The following TTN variants were observed in gnomAD, a reference collection of about 807,000 sequenced individuals.
TTN encodes the protein connectin.
A neutral mutation model predicts 3,223.0 loss-of-function variants in TTN; 1,525 were observed. The observed-to-expected ratio is 0.47, with a 90% CI of 0.45 to 0.49. The LOEUF (loss-of-function observed/expected upper bound fraction) is 0.49. Ranked by LOEUF, TTN falls within the 20% of genes least tolerant of loss-of-function variation. The pLI, the probability that TTN is intolerant of heterozygous loss-of-function variation, is 0.00. For missense variants in TTN, 40,786 were observed against 43,424.0 expected (o/e 0.94, Z 5.40); for synonymous variants, 14,094 against 15,161.0 (o/e 0.93, Z 5.17).
chr2:178,774,515 G>A, intron 29 of TTN, 42 bp from the exon 30 acceptor site: 3 of 1,590,876 alleles, frequency 1.9e-6, no homozygotes, highest in Non-Finnish European at 2.6e-6. Flanking sequence ...TTTTTGGAGA[G>A]GTATGCATCT....
Position 178,576,573 on chromosome 2 carries a change from G to A in TTN, c.69671C>T (p.Pro23224Leu), listed in dbSNP as rs762758398. Residue 23224 changes from proline (P) to leucine (L), a missense_variant, in exon 325 of 363, where the codon CCA becomes CTA. Coordinates refer to ENST00000589042, the MANE Select transcript of TTN (RefSeq NM_001267550.2). This position sits in a 1 kb window ranked among gnomAD's most constrained non-coding sequence, Gnocchi z 4.3. ...AACAGAATCTGAAGCCTCACTGGGT[G>A]GACCAATTCCTGCTCTGTTTTCTGC... Reference protein sequence around the residue: ...VSAENRAGIGPPSEASDSVLM... With the variant: ...VSAENRAGIGLPSEASDSVLM... 3.1e-6 allele frequency: 5 copies of A among 1,613,478 alleles called. No homozygotes were observed. The highest frequency in any genetic ancestry group is 3.3e-5 in the Admixed American group (2 of 59,992).
chr2:178,652,983 A>C, intron 199 of TTN, 52 bp from the exon 200 acceptor site: 2 of 1,605,772 alleles, frequency 1.2e-6, no homozygotes, highest in Middle Eastern at 1.7e-4. Context: ...CCACTAGAAA[A>C]GTATTTTCAA....
rs1320536987 is a variant in TTN, at chr2:178,607,313, A to C, written c.53289T>G (p.Asp17763Glu). 9 of 1,612,014 alleles carry C rather than the reference A, an allele frequency of 5.6e-6. No individual in the cohort carries two copies. Among genetic ancestry groups the C allele is most frequent in the Non-Finnish European group, 7.6e-6 (9 of 1,179,164 alleles). Reference sequence around the variant, plus strand: ...TTAAGTCAAGAACTGGACCAGGGACATCTGAAAACAAAACAAAGCCAAAAA... The same window carrying C: ...TTAAGTCAAGAACTGGACCAGGGACCTCTGAAAACAAAACAAAGCCAAAAA... ...KFAAARVEVF[D>E]VPGPVLDLKP... The change falls in exon 278 of 363, where the codon GAT (aspartate) becomes GAG (glutamate). Residue 17763 changes from aspartate (D) to glutamate (E), a missense_variant and splice_region_variant. By Grantham distance (45) the Asp-to-Glu change is conservative. Transcript: ENST00000589042.
At position 178,575,116 on chromosome 2, in the gene TTN, T is replaced by C. The variant is rs1709579780; in HGVS notation, c.71016A>G (p.Gln23672=). 1 of 1,612,948 alleles carries C rather than the reference T, an allele frequency of 6.2e-7. No homozygotes were observed. The highest frequency in any genetic ancestry group is 1.7e-5 in the Admixed American group (1 of 59,954). Residue 23672 remains glutamine, a synonymous_variant, in exon 326 of 363, where the codon CAA becomes CAG. Transcript: ENST00000589042. This position sits in a 1 kb window ranked among gnomAD's most constrained non-coding sequence, Gnocchi z 4.0. The part of the protein sequence containing the change: ...KPTVTWKKGD[Q]ILKQTQRVNF... The stretch of plus-strand genomic sequence containing the variant: ...TAACTCTCTGTGTCTGTTTAAGAAT[T>C]TGGTCTCCTTTTTTCCATGTCACTG...
Position 178,547,240 on chromosome 2 carries a change from A to T in TTN, c.94285T>A (p.Trp31429Arg). 6.2e-7 allele frequency: 1 copy of T among 1,613,834 alleles called. No individual in the cohort carries two copies. Among genetic ancestry groups the T allele is most frequent in the Admixed American group, 1.7e-5 (1 of 60,020 alleles). Residue 31429 changes from tryptophan to arginine, a missense_variant, in exon 340 of 363, where the codon TGG (tryptophan) becomes AGG (arginine). By Grantham distance (101) the Trp-to-Arg change is moderately radical. Transcript: ENST00000589042. ...CCACCATCGTGGTAGGGTTCTTCCC[A>T]ACGAATAGACATGGCATTGGCAGAC... ...HVSANAMSIR[W>R]EEPYHDGGSK...
intron 47 of TTN, chr2:178,745,923 C>A: frequency 6.2e-7 from 1 of 1,608,760 alleles, no homozygotes; most frequent in Non-Finnish European, 8.5e-7. Context: ...AAGACCAATT[C>A]TTCCATTAAA....
Position 178,547,571 on chromosome 2 carries a change from C to G in TTN, c.94055G>C (p.Gly31352Ala), listed in dbSNP as rs769645414. Residue 31352 changes from glycine to alanine, a missense_variant, in exon 339 of 363, where the codon GGT becomes GCT. Physicochemically the swap from Gly to Ala is moderately conservative, Grantham distance 60. Coordinates refer to ENST00000589042, the MANE Select transcript of TTN (RefSeq NM_001267550.2). ...ATTGACAAGCTGCCAAGCTGTTGTA[C>G]CCGATTCACGCTTTTCAACTATGTA... The part of the protein sequence containing the change: ...TNYIVEKRES[G>A]TTAWQLVNSS... 2 of 1,613,748 alleles carry G rather than the reference C, an allele frequency of 1.2e-6. No individual in the cohort carries two copies. The highest frequency in any genetic ancestry group is 1.7e-5 in the Admixed American group (1 of 59,994).
intron 312 of TTN, 66 bp from the exon 313 acceptor site, chr2:178,583,293 T>C: frequency 7.4e-7 from 1 of 1,355,652 alleles, no homozygotes; most frequent in Non-Finnish European, 9.8e-7. Flanking sequence ...TTATTAATAA[T>C]AGTGGGAAAT....
chr2:178,654,152 G>C, intron 193 of TTN, 56 bp downstream of exon 193: 1 of 1,591,464 alleles, frequency 6.3e-7, no homozygotes, highest in East Asian at 2.2e-5. Flanking sequence ...ATATTACAGT[G>C]ATTGTGAGGG....
rs756168342 is a variant in TTN, at chr2:178,733,297, T to C, written c.15996A>G (p.Thr5332=). Residue 5332 remains threonine, a synonymous_variant, in exon 54 of 363, where the codon ACA becomes ACG. Coordinates refer to ENST00000589042, the MANE Select transcript of TTN (RefSeq NM_001267550.2). ...SAELHDSGQY[T]FEISNEVGSS... ...TGCCCACTTCATTGGAAATCTCAAA[T>C]GTGTATTGGCCACTGTCGTGCAGCT... 4 of 1,613,354 alleles carry C rather than the reference T, an allele frequency of 2.5e-6. No individual in the cohort carries two copies. Among genetic ancestry groups the C allele is most frequent in the Non-Finnish European group, 3.4e-6 (4 of 1,179,476 alleles).
chr2:178,593,518 A>G (rs755931456), intron 298 of TTN, 43 bp from the exon 299 acceptor site: 1 of 1,598,110 alleles, frequency 6.3e-7, no homozygotes, highest in Non-Finnish European at 8.5e-7. Context: ...TTATTTCTTT[A>G]TATTAGTTTT....
chr2:178,574,154 G>A lies in TTN; in HGVS notation c.71978C>T (p.Ala23993Val), dbSNP rs2154171336. The A allele has an allele frequency of 6.2e-7, 1 of 1,613,610 alleles. No homozygotes were observed. Among genetic ancestry groups the A allele is most frequent in the East Asian group, 2.2e-5 (1 of 44,792 alleles). ...EFTVSGLTED[A>V]AYEFRVIAKN... The stretch of plus-strand genomic sequence containing the variant: ...GGCGATCACACGGAATTCATATGCA[G>A]CATCTTCTGTTAGGCCACTGACTGT... The change falls in exon 326 of 363, where the codon GCT becomes GTT. Residue 23993 changes from alanine (A) to valine (V), a missense_variant. By Grantham distance (64) the Ala-to-Val change is moderately conservative. Coordinates refer to ENST00000589042, the MANE Select transcript of TTN (RefSeq NM_001267550.2).
chr2:178,587,382 C>T lies in TTN; in HGVS notation c.63829G>A (p.Asp21277Asn), dbSNP rs2049253649. ...ACATGGCATGATGTTTTAGTGACAT[C>T]TGAAACTTTTAAATCAGACACAGGC... ...PGPVSDLKVS[D>N]VTKTSCHVSW... The change falls in exon 307 of 363, where the codon GAT (aspartate) becomes AAT (asparagine). Residue 21277 changes from aspartate to asparagine, a missense_variant. Physicochemically the swap from Asp to Asn is conservative, Grantham distance 23 (BLOSUM62 1). Coordinates refer to ENST00000589042, the MANE Select transcript of TTN (RefSeq NM_001267550.2). 7 of 1,611,264 alleles carry T rather than the reference C, an allele frequency of 4.3e-6. No homozygotes were observed. In the East Asian group the frequency reaches 9.0e-5, roughly 21 times the overall value.
chr2:178,684,319 G>T lies in TTN; in HGVS notation c.32722+11C>A. The T allele has an allele frequency of 6.2e-7, 1 of 1,612,542 alleles. No individual in the cohort carries two copies. Among genetic ancestry groups the T allele is most frequent in the Non-Finnish European group, 8.5e-7 (1 of 1,179,220 alleles). ...AGTACAATATTGTGCATAATGGAAG[G>T]GCGGATGTACCTCTTGCTTTTGGAG... On this transcript the variant is annotated intron_variant, in intron 132 of 362. Coordinates refer to ENST00000589042, the MANE Select transcript of TTN (RefSeq NM_001267550.2).
chr2:178,710,232 G>A (rs1358902840), intron 98 of TTN, among the ~76,000 whole-genome samples: 2 of 152,186 alleles, frequency 1.3e-5, no homozygotes, highest in African/African-American at 4.8e-5. Context: ...GATCACTTGA[G>A]GTCAGGAGCT....
At chr2:178,622,850 T>A in intron 242 of TTN, 83 bp from the exon 243 acceptor site, 1 of 1,078,266 alleles carries the variant, frequency 9.3e-7, no homozygotes, top group Non-Finnish European at 1.3e-6. Context: ...TAAGAAAAAG[T>A]GACTCTTTTT....
At chr2:178,622,631 T>A in intron 243 of TTN, 39 bp downstream of exon 243, 1 of 1,518,446 alleles carries the variant, frequency 6.6e-7, no homozygotes, top group Non-Finnish European at 9.0e-7. Flanking sequence ...AATATAAAGT[T>A]ATTTGACAGT....
rs574711878 is a variant in TTN, at chr2:178,566,156, C to A, written c.79976G>T (p.Gly26659Val). The change falls in exon 326 of 363, where the codon GGA becomes GTA. Residue 26659 changes from glycine (G) to valine (V), a missense_variant. By Grantham distance (109) the Gly-to-Val change is moderately radical (BLOSUM62 -3). Coordinates refer to ENST00000589042, the MANE Select transcript of TTN (RefSeq NM_001267550.2). ...GTTTTCCAACTTAAGAATGTATTTTCCAGCATCATTTCTATCACAGTTATC... is the reference window on the plus strand; with the variant it reads ...GTTTTCCAACTTAAGAATGTATTTTACAGCATCATTTCTATCACAGTTATC... ...SIDNCDRNDA[G>V]KYILKLENSS... 2 of 1,613,646 alleles carry A rather than the reference C, an allele frequency of 1.2e-6. No homozygotes were observed. The highest frequency in any genetic ancestry group is 4.5e-5 in the East Asian group (2 of 44,848).
intron 41 of TTN, 96 bp downstream of exon 41, chr2:178,766,285 T>C (rs1561179551): frequency 1.0e-6 from 1 of 1,001,042 alleles, no homozygotes; most frequent in Admixed American, 1.8e-5. Flanking sequence ...ATAGGTTCTT[T>C]AGAAATTTCC....
Sources: gnomAD v4.1 joint callset for allele counts (sites outside exome capture counted in the v4.1 genomes callset) on GRCh38, gnomAD v4.1.1 for gene constraint, Gnocchi (gnomAD v3.1) non-coding constraint, MANE v1.5 for transcripts, NCBI Gene and HGNC (gene_info 2026-07-23, HGNC 2026-07-21) for gene names.